ANKS1B: variants seen among roughly 807,000 people sequenced by gnomAD.
The protein encoded by ANKS1B is ankyrin repeat and sterile alpha motif domain-containing protein 1B.
ANKS1B carries 36 observed loss-of-function variants against 148.3 expected under a neutral mutation model. That is an observed-to-expected ratio of 0.24 (90% CI 0.19 to 0.32). ANKS1B has a LOEUF of 0.32. Ranked by LOEUF, ANKS1B falls within the 10% of genes least tolerant of loss-of-function variation. The pLI, the probability that ANKS1B is intolerant of heterozygous loss-of-function variation, is 1.00. For synonymous variants in ANKS1B, 542 were observed against 560.8 expected, an observed-to-expected ratio of 0.97 and a Z score of 0.47; for missense variants, 1,157 against 1,542.6, an observed-to-expected ratio of 0.75 and a Z score of 4.19.
chr12:98,999,883 C>T (rs1775540080), intron 17 of ANKS1B, among the ~76,000 whole-genome samples: 1 of 152,200 alleles, frequency 6.6e-6, no homozygotes, highest in Non-Finnish European at 1.5e-5. Context: ...TCATTCTCTT[C>T]TCCCACAGTG....
intron 12 of ANKS1B, 27 bp from the exon 13 acceptor site, chr12:99,246,891 G>A: frequency 6.6e-7 from 1 of 1,518,016 alleles, no homozygotes; most frequent in South Asian, 1.3e-5. Context: ...GGGATATCAG[G>A]GTTTATAAAG....
chr12:99,061,963 T>A (rs987154868), intron 16 of ANKS1B, among the ~76,000 whole-genome samples: 1 of 152,154 alleles, frequency 6.6e-6, no homozygotes, highest in African/African-American at 2.4e-5. Context: ...GTTTCTAGCT[T>A]GGATATCTGG....
intron 12 of ANKS1B, among the ~76,000 whole-genome samples, chr12:99,355,884 T>C (rs900992904): frequency 1.3e-5 from 2 of 152,116 alleles, no homozygotes; most frequent in Admixed American, 1.3e-4. Context: ...CTACCCTTCG[T>C]AGTGTTTTAT....
chr12:98,953,058 T>C (rs930622272), intron 17 of ANKS1B, among the ~76,000 whole-genome samples: 10 of 151,806 alleles, frequency 6.6e-5, no homozygotes, highest in Non-Finnish European at 1.3e-4. Flanking sequence ...TCTCACTCTG[T>C]TGCCCAGGCT....
intron 1 of ANKS1B, among the ~76,000 whole-genome samples, chr12:99,904,196 T>A (rs1484104503): frequency 3.9e-5 from 1 of 25,940 alleles, no homozygotes; most frequent in Non-Finnish European, 1.1e-4. Flanking sequence ...CTAATAATTC[T>A]TTTTTTTTTT....
chr12:99,460,783 T>A (rs182796284), intron 10 of ANKS1B, among the ~76,000 whole-genome samples: 1 of 151,988 alleles, frequency 6.6e-6, no homozygotes, highest in Non-Finnish European at 1.5e-5. Context: ...GGAACACTTT[T>A]ACATTGTTGA....
chr12:99,175,055 T>C (rs1380172509), intron 14 of ANKS1B, among the ~76,000 whole-genome samples: 1 of 152,230 alleles, frequency 6.6e-6, no homozygotes, highest in Non-Finnish European at 1.5e-5. Flanking sequence ...AGCATTTACA[T>C]AGCTAGCTGA....
intron 19 of ANKS1B, among the ~76,000 whole-genome samples, chr12:98,813,204 AGTTTTTTT>A (rs1462531116): frequency 2.0e-5 from 3 of 151,544 alleles, no homozygotes; most frequent in South Asian, 2.1e-4. Flanking sequence ...TAGTGAGTTA[AGTTTTTTT>A]GTTTTTTTTT....
At chr12:99,584,124 A>G (rs2097599109) in intron 9 of ANKS1B, among the ~76,000 whole-genome samples, 1 of 152,254 alleles carries the variant, frequency 6.6e-6, no homozygotes, top group African/African-American at 2.4e-5. Flanking sequence ...AGATAAACAC[A>G]GAAAGAACAG....
At chr12:99,182,136 C>G (rs934731704) in intron 14 of ANKS1B, among the ~76,000 whole-genome samples, 6 of 152,234 alleles carry the variant, frequency 3.9e-5, no homozygotes, top group Non-Finnish European at 8.8e-5. Context: ...CAAGGGGAAG[C>G]AAGGCACATT....
chr12:99,585,360 A>G (rs2097621949), intron 9 of ANKS1B, among the ~76,000 whole-genome samples: 1 of 152,180 alleles, frequency 6.6e-6, no homozygotes, highest in Non-Finnish European at 1.5e-5. Flanking sequence ...GCAGGCTCCC[A>G]TGGCCTTGGA....
At chr12:98,901,700 T>G (rs1482771114) in intron 17 of ANKS1B, among the ~76,000 whole-genome samples, 4 of 152,036 alleles carry the variant, frequency 2.6e-5, no homozygotes, top group Non-Finnish European at 5.9e-5. Flanking sequence ...AAAGAGTGTC[T>G]GTGGGGACTC....
At position 99,967,077 on chromosome 12, in the gene ANKS1B, G is replaced by A. The variant is rs199771621; in HGVS notation, c.134+17027C>T. Among the ~76,000 whole-genome samples, 5 of 152,072 alleles carry A rather than the reference G, an allele frequency of 3.3e-5. No individual in the cohort carries two copies. In the East Asian group the frequency reaches 9.7e-4, roughly 29 times the overall value. Reference sequence around the variant, plus strand: ...GTGTAAACAAATGACTTATTATAATGCAAATATTCCAGAGTTTCCCATTCA... The same window carrying A: ...GTGTAAACAAATGACTTATTATAATACAAATATTCCAGAGTTTCCCATTCA... On this transcript the variant is annotated intron_variant, in intron 1 of 26. Coordinates refer to ENST00000683438, the MANE Select transcript of ANKS1B (RefSeq NM_001352186.2).
chr12:98,932,374 AT>A (rs2099814437), intron 17 of ANKS1B, among the ~76,000 whole-genome samples: 1 of 152,214 alleles, frequency 6.6e-6, no homozygotes, highest in Admixed American at 6.5e-5. Flanking sequence ...AAATGACATC[AT>A]TTAATTCCAG....
chr12:99,282,338 T>C (rs1286475088), intron 12 of ANKS1B, among the ~76,000 whole-genome samples: 1 of 152,112 alleles, frequency 6.6e-6, no homozygotes, highest in African/African-American at 2.4e-5. Flanking sequence ...GAGAGAGTAG[T>C]AAGGGATGAG....
At chr12:99,609,679 A>T (rs2097883639) in intron 9 of ANKS1B, among the ~76,000 whole-genome samples, 1 of 152,016 alleles carries the variant, frequency 6.6e-6, no homozygotes, top group Non-Finnish European at 1.5e-5. Context: ...ATATTCTCAC[A>T]AGTCTTAAGG....
chr12:99,823,064 C>T (rs2082702173), intron 2 of ANKS1B, among the ~76,000 whole-genome samples: 1 of 152,060 alleles, frequency 6.6e-6, no homozygotes, highest in Non-Finnish European at 1.5e-5. Flanking sequence ...TTTTTTCATA[C>T]ACTTGTTGGC....
rs189015057 is a variant in ANKS1B at position 99,094,389 on chromosome 12, T to C, written c.2527-9366A>G. Among the ~76,000 whole-genome samples, 426 of 152,334 alleles carry C rather than the reference T, an allele frequency of 2.8e-3. 2 individuals are homozygous for C. The highest frequency in any genetic ancestry group is 4.1e-3 in the Non-Finnish European group (276 of 68,016). On this transcript the variant is annotated intron_variant, in intron 15 of 26. Transcript: ENST00000683438. ...AATTATTATCCTTATTTACAGATAATAGACTAAGAATTGAAGGCACAGAAA... is the reference window on the plus strand; with the variant it reads ...AATTATTATCCTTATTTACAGATAACAGACTAAGAATTGAAGGCACAGAAA...
intron 9 of ANKS1B, among the ~76,000 whole-genome samples, chr12:99,527,532 A>G (rs2096938912): frequency 6.6e-6 from 1 of 152,166 alleles, no homozygotes; most frequent in African/African-American, 2.4e-5. Context: ...CTAAATCGGA[A>G]TCTCTGGTGG....
Sources: gnomAD v4.1 joint callset for allele counts (sites outside exome capture counted in the v4.1 genomes callset) on GRCh38, gnomAD v4.1.1 for gene constraint, MANE v1.5 for transcripts, NCBI Gene and HGNC (gene_info 2026-07-23, HGNC 2026-07-21) for gene names.